The following CWF19L2 variants were observed in gnomAD, a reference collection of about 807,000 sequenced individuals.
CWF19L2 encodes the protein CWF19-like protein 2.
A neutral mutation model predicts 111.7 loss-of-function variants in CWF19L2; 98 were observed. The ratio of observed to expected loss-of-function variants is 0.88; its 90% CI spans 0.75 to 1.04. The LOEUF (loss-of-function observed/expected upper bound fraction) is 1.04, where lower values mean the gene tolerates loss of function less well. Ranked by LOEUF, CWF19L2 falls within the 50% of genes least tolerant of loss-of-function variation. CWF19L2 has a pLI of 0.00. For missense variants in CWF19L2, 1,101 were observed against 1,051.4 expected, an observed-to-expected ratio of 1.05 and a Z score of -0.65; for synonymous variants, 351 against 342.9, an observed-to-expected ratio of 1.02 and a Z score of -0.26.
chr11:107,405,557 CA>C (rs551948433), intron 10 of CWF19L2, among the ~76,000 whole-genome samples: 1 of 91,238 alleles, frequency 1.1e-5, no homozygotes, highest in African/African-American at 3.4e-5. Flanking sequence ...GATGAACTAA[CA>C]AAAAAAACAG....
At chr11:107,435,445 G>A (rs1861527994) in intron 6 of CWF19L2, among the ~76,000 whole-genome samples, 2 of 152,078 alleles carry the variant, frequency 1.3e-5, no homozygotes, top group African/African-American at 4.8e-5. Flanking sequence ...CTGATAAAAT[G>A]CTGATGGACA....
In CWF19L2 at chr11:107,419,530, A is replaced by G. The variant is rs149831970; in HGVS notation, c.1434-1243T>C. On this transcript the variant is annotated intron_variant, in intron 8 of 17. Transcript: ENST00000282251. ...CAAAATCAACCCAGAACTGACACAG[A>G]TGTAAAAAACAGCAGACAAGGATAC... Among the ~76,000 whole-genome samples, 1,192 of 152,290 alleles carry G rather than the reference A, an allele frequency of 7.8e-3. 8 individuals are homozygous for G. Among genetic ancestry groups the G allele is most frequent in the Non-Finnish European group, 0.01 (688 of 68,020 alleles).
chr11:107,441,473 A>G (rs187746590), intron 5 of CWF19L2, 30 bp downstream of exon 5: 17,411 of 1,475,138 alleles, frequency 0.012, 131 homozygotes, highest in South Asian at 0.019. Flanking sequence ...GGTAAATTAG[A>G]AAGTTAAAGC....
At chr11:107,412,596 C>T (rs1861173055) in intron 10 of CWF19L2, among the ~76,000 whole-genome samples, 1 of 152,210 alleles carries the variant, frequency 6.6e-6, no homozygotes, top group Non-Finnish European at 1.5e-5. Flanking sequence ...CCATCTCAGC[C>T]TCCCAAAGTG....
chr11:107,393,525 A>G (rs1313111004), intron 10 of CWF19L2, among the ~76,000 whole-genome samples: 1 of 152,202 alleles, frequency 6.6e-6, no homozygotes, highest in Non-Finnish European at 1.5e-5. Flanking sequence ...TAATCATTAA[A>G]GAATATTAGA....
chr11:107,410,954 TAGTC>T (rs1277793324), intron 10 of CWF19L2, among the ~76,000 whole-genome samples: 2 of 152,094 alleles, frequency 1.3e-5, no homozygotes, highest in Non-Finnish European at 2.9e-5. Context: ...TAGCAAACCT[TAGTC>T]AAAAAATGAG....
chr11:107,335,691 T>C (rs1859912467), intron 15 of CWF19L2, among the ~76,000 whole-genome samples: 1 of 152,220 alleles, frequency 6.6e-6, no homozygotes, highest in African/African-American at 2.4e-5. Context: ...GACTACTATT[T>C]ATGGTAAAGA....
At position 107,348,903 on chromosome 11, in the gene CWF19L2, T is replaced by C. The variant is rs76315395; in HGVS notation, c.2202+34A>G. On this transcript the variant is annotated intron_variant, in intron 14 of 17. Coordinates refer to ENST00000282251, the MANE Select transcript of CWF19L2 (RefSeq NM_152434.3). The stretch of plus-strand genomic sequence containing the variant: ...ATAATTTACAAAAATTGCTCATGAG[T>C]TTTAAAATGATAATGAACATTTATT... 7.5e-4 allele frequency: 965 copies of C among 1,282,838 alleles called. 13 individuals carry two copies. The African/African-American group carries it at 0.013, about 17-fold the overall frequency. 79.5% of individuals were successfully genotyped at this position (1,282,838 alleles called of 1,614,324 possible).
At chr11:107,387,471 A>C (rs1860786487) in intron 12 of CWF19L2, among the ~76,000 whole-genome samples, 9 of 107,676 alleles carry the variant, frequency 8.4e-5, no homozygotes, top group Non-Finnish European at 1.7e-4. Flanking sequence ...ACAAAACAAA[A>C]AACAAAAAAA....
At chr11:107,359,645 G>A (rs1389573111) in intron 12 of CWF19L2, among the ~76,000 whole-genome samples, 1 of 152,102 alleles carries the variant, frequency 6.6e-6, no homozygotes, top group African/African-American at 2.4e-5. Context: ...AGGCACAGTG[G>A]TTCACACCTG....
intron 15 of CWF19L2, among the ~76,000 whole-genome samples, chr11:107,335,832 T>C (rs910672357): frequency 9.9e-5 from 15 of 152,204 alleles, no homozygotes; most frequent in Non-Finnish European, 2.1e-4. Context: ...ATAGAACAGA[T>C]ACAGTGCTAT....
intron 11 of CWF19L2, among the ~76,000 whole-genome samples, chr11:107,391,615 T>C (rs1286876379): frequency 6.6e-6 from 1 of 152,250 alleles, no homozygotes; most frequent in African/African-American, 2.4e-5. Context: ...GTTGGTTCCA[T>C]ACCCAGGTGT....
intron 10 of CWF19L2, among the ~76,000 whole-genome samples, chr11:107,408,385 T>C (rs1861110874): frequency 6.6e-6 from 1 of 151,868 alleles, no homozygotes; most frequent in Non-Finnish European, 1.5e-5. Context: ...CAAGAGATGA[T>C]GGTCATCTTA....
intron 15 of CWF19L2, among the ~76,000 whole-genome samples, chr11:107,335,706 T>C (rs945144162): frequency 6.6e-6 from 1 of 152,136 alleles, no homozygotes; most frequent in African/African-American, 2.4e-5. Context: ...TAAAGAAATA[T>C]TTAAAAGAAA....
intron 10 of CWF19L2, among the ~76,000 whole-genome samples, chr11:107,411,331 TAAGTAA>T (rs1861154777): frequency 6.6e-6 from 1 of 152,150 alleles, no homozygotes; most frequent in East Asian, 1.9e-4. Context: ...ATATTGTGTT[TAAGTAA>T]AAGTATAGTA....
chr11:107,403,253 T>A (rs1034026736), intron 10 of CWF19L2, among the ~76,000 whole-genome samples: 14 of 151,688 alleles, frequency 9.2e-5, no homozygotes, highest in African/African-American at 3.1e-4. Context: ...AAATTAAAAT[T>A]AAAAAAAACT....
intron 10 of CWF19L2, among the ~76,000 whole-genome samples, chr11:107,413,934 G>A (rs1861191237): frequency 6.6e-6 from 1 of 152,114 alleles, no homozygotes; most frequent in Admixed American, 6.5e-5. Context: ...TCCCAAACCT[G>A]ATTCTCCAAA....
At chr11:107,429,494 C>T (rs377341279) in intron 7 of CWF19L2, 43 bp from the exon 8 acceptor site, 128 of 1,446,000 alleles carry the variant, frequency 8.9e-5, no homozygotes, top group Non-Finnish European at 1.0e-4. Context: ...AAATTAGGAA[C>T]GGCTCAGTGA....
At chr11:107,426,097 T>A (rs1861372227) in intron 8 of CWF19L2, among the ~76,000 whole-genome samples, 3 of 151,424 alleles carry the variant, frequency 2.0e-5, no homozygotes, top group Admixed American at 2.0e-4. Flanking sequence ...AAAGAAAGAA[T>A]GAAAAATGAA....
Sources: allele counts gnomAD v4.1 joint callset (sites outside exome capture counted in the v4.1 genomes callset), GRCh38; gene constraint gnomAD v4.1.1; transcripts MANE v1.5; gene names NCBI Gene and HGNC (gene_info 2026-07-23, HGNC 2026-07-21).